The following UBR4 variants were observed in gnomAD, a reference collection of about 807,000 sequenced individuals.
UBR4 encodes the protein ubiquitin protein ligase E3 component n-recognin 4.
Under a neutral mutation model 575.6 loss-of-function variants are expected in UBR4, and 124 were observed. That is an observed-to-expected ratio of 0.22 (90% CI 0.19 to 0.25). The LOEUF is 0.25. Among genes scored for constraint, UBR4 ranks in the 10% least tolerant of loss-of-function variants. The pLI is 1.00. For synonymous variants in UBR4, 2,455 were observed against 2,473.7 expected (o/e 0.99, Z 0.22); for missense variants, 4,818 against 6,478.8 (o/e 0.74, Z 8.80).
At chr1:19,206,336 CTCTT>C (rs1041075632) in intron 1 of UBR4, among the ~76,000 whole-genome samples, 7 of 151,376 alleles carry the variant, frequency 4.6e-5, no homozygotes, top group Non-Finnish European at 8.9e-5. Context: ...GACCCTGTCT[CTCTT>C]TTTTTTTTTT....
In UBR4 at chr1:19,181,870, C is replaced by T. The variant is rs113392924; in HGVS notation, c.2184+1941G>A. The stretch of plus-strand genomic sequence containing the variant: ...AGTTCTGTGGCATTAAGCACATACA[C>T]ATTATTCTGCAACCCTTACTACCAT... On this transcript the variant is annotated intron_variant, in intron 17 of 105. Transcript: ENST00000375254. Among the ~76,000 whole-genome samples, 659 of 152,286 alleles carry T rather than the reference C, an allele frequency of 4.3e-3. 5 individuals are homozygous for T. Among genetic ancestry groups the T allele is most frequent in the Middle Eastern group, 0.017 (5 of 294 alleles).
intron 17 of UBR4, among the ~76,000 whole-genome samples, chr1:19,182,915 T>C (rs1266600229): frequency 3.6e-5 from 3 of 83,478 alleles, no homozygotes; most frequent in Non-Finnish European, 8.8e-5. Context: ...TATATGTACA[T>C]ACACATACAT....
intron 60 of UBR4, among the ~76,000 whole-genome samples, chr1:19,137,784 G>C (rs984517566): frequency 2.0e-5 from 3 of 152,164 alleles, no homozygotes; most frequent in Non-Finnish European, 4.4e-5. Flanking sequence ...AGCCTTAAGA[G>C]AAATACCACT....
At position 19,146,931 on chromosome 1, in the gene UBR4, G is replaced by C. The variant is rs1026118439; in HGVS notation, c.7699C>G (p.Pro2567Ala). 1.2e-6 allele frequency: 2 copies of C among 1,613,880 alleles called. No homozygotes were observed. The highest frequency in any genetic ancestry group is 3.3e-5 in the Admixed American group (2 of 59,988). ...TSSKEGKDLD[P>A]EVFQRLVITA... The stretch of plus-strand genomic sequence containing the variant: ...ATCACTAGCCTCTGGAACACCTCAG[G>C]GTCCAAATCCTTGCCCTCTTTGCTA... The change falls in exon 52 of 106, where the codon CCT (proline) becomes GCT (alanine). Residue 2567 changes from proline (P) to alanine (A), a missense_variant. Coordinates refer to ENST00000375254, the MANE Select transcript of UBR4 (RefSeq NM_020765.3).
In UBR4 at chr1:19,084,617, G is replaced by A. The variant is rs144501472; in HGVS notation, c.14895C>T (p.Phe4965=). The change falls in exon 102 of 106, where the codon TTC becomes TTT. Residue 4965 remains phenylalanine, a synonymous_variant. Coordinates refer to ENST00000375254, the MANE Select transcript of UBR4 (RefSeq NM_020765.3). The part of the protein sequence containing the change: ...QLNIHDIKLL[F]LRFAMEQSFS... The stretch of plus-strand genomic sequence containing the variant: ...ACGACTGCTCCATGGCGAAGCGCAG[G>A]AAGAGCAGTTTGATGTCATGGATGT... 1.3e-4 allele frequency: 217 copies of A among 1,614,170 alleles called. No homozygotes were observed. The highest frequency in any genetic ancestry group is 1.2e-3 in the Middle Eastern group (7 of 6,062).
In UBR4 at chr1:19,168,069, T is replaced by A; in HGVS notation, c.3857A>T (p.His1286Leu). The change falls in exon 28 of 106, where the codon CAT becomes CTT. Residue 1286 changes from histidine (H) to leucine (L), a missense_variant. By Grantham distance (99) the His-to-Leu change is moderately conservative. Transcript: ENST00000375254. Reference protein sequence around the residue: ...QSLPLAASLKHTLLSLVRLTG... With the variant: ...QSLPLAASLKLTLLSLVRLTG... ...CAACCTGACCAGTGAGAGGAGGGTA[T>A]GCTTCAGGGAAGCAGCCAGGGGCAG... 2 of 1,613,878 alleles carry A rather than the reference T, an allele frequency of 1.2e-6. 1 individual carries two copies. The highest frequency in any genetic ancestry group is 2.2e-5 in the South Asian group (2 of 91,052).
chr1:19,102,847 C>A (rs1022702327), intron 87 of UBR4, among the ~76,000 whole-genome samples: 5 of 152,194 alleles, frequency 3.3e-5, no homozygotes, highest in African/African-American at 1.2e-4. Context: ...TCCCTTTCCC[C>A]CAACCAAATA....
rs147610878 is a variant in UBR4 at position 19,161,913 on chromosome 1, G to A, written c.4957-16C>T. 1.3e-3 allele frequency: 2,160 copies of A among 1,613,778 alleles called. 37 individuals carry two copies. The African/African-American group carries it at 0.026, about 19-fold the overall frequency. On this transcript the variant is annotated splice_polypyrimidine_tract_variant and intron_variant, in intron 35 of 105. Coordinates refer to ENST00000375254, the MANE Select transcript of UBR4 (RefSeq NM_020765.3). ...AATCTTCATCCTTCAAAAATAATAA[G>A]TCTTTTTAATTCGAAATATATCCCT...
At chr1:19,091,912 C>A (rs1022567076) in intron 97 of UBR4, among the ~76,000 whole-genome samples, 3 of 152,096 alleles carry the variant, frequency 2.0e-5, no homozygotes, top group African/African-American at 7.2e-5. Flanking sequence ...GGCAACAATC[C>A]AGGTGTCCTT....
intron 2 of UBR4, among the ~76,000 whole-genome samples, chr1:19,200,628 A>G (rs923280759): frequency 1.2e-4 from 18 of 152,126 alleles, no homozygotes; most frequent in African/African-American, 4.1e-4. Flanking sequence ...ATCTCAAAAT[A>G]AATAAATAAA....
intron 42 of UBR4, 90 bp from the exon 43 acceptor site, chr1:19,155,758 C>A: frequency 1.9e-6 from 2 of 1,059,092 alleles, no homozygotes; most frequent in East Asian, 2.5e-5. Flanking sequence ...CGGAACTGAC[C>A]AATAACAGGC....
chr1:19,158,544 A>G (rs2086782474), intron 39 of UBR4, among the ~76,000 whole-genome samples: 1 of 151,986 alleles, frequency 6.6e-6, no homozygotes, highest in Non-Finnish European at 1.5e-5. Context: ...TACAGCCTCG[A>G]ATTCCCCGGT....
At chr1:19,080,874 T>C (rs986086769) in intron 103 of UBR4, 5 of 154,744 alleles carry the variant, frequency 3.2e-5, no homozygotes, top group African/African-American at 1.2e-4. Flanking sequence ...TATAGGAGAG[T>C]GGTCTAGAGG....
At chr1:19,086,632 A>G (rs1282944079) in intron 100 of UBR4, 47 bp downstream of exon 100, 1 of 1,604,876 alleles carries the variant, frequency 6.2e-7, no homozygotes, top group South Asian at 1.1e-5. Context: ...CTCCAGGCCC[A>G]CAGGCAGGCC....
At chr1:19,145,986 A>G (rs1301623561) in intron 52 of UBR4, 53 bp from the exon 53 acceptor site, 2 of 1,612,848 alleles carry the variant, frequency 1.2e-6, no homozygotes, top group Non-Finnish European at 8.5e-7. Flanking sequence ...ATGGAATTTA[A>G]TTTGTTTTAA....
At position 19,153,831 on chromosome 1, in the gene UBR4, TACCAGCGGC is replaced by T; in HGVS notation, c.6558_6566del (p.Pro2187_Val2189del). 1 of 1,614,202 alleles carries T rather than the reference TACCAGCGGC, an allele frequency of 6.2e-7. No homozygotes were observed. The highest frequency in any genetic ancestry group is 8.5e-7 in the Non-Finnish European group (1 of 1,180,022). Reference sequence around the variant, plus strand: ...GAAAAGTGTCTGGTTTCACCATAACTACCAGCGGCACCCCTGTAGTTTGCTGGACACAGC... The same window carrying T: ...GAAAAGTGTCTGGTTTCACCATAACTACCCCTGTAGTTTGCTGGACACAGC... On this transcript the variant is annotated inframe_deletion, in exon 45 of 106. Transcript: ENST00000375254. This position sits in a 1 kb window ranked among gnomAD's most constrained non-coding sequence, Gnocchi z 4.1.
In UBR4 at chr1:19,176,727, C is replaced by A. The variant is rs1306236370; in HGVS notation, c.2638G>T (p.Val880Leu). The A allele has an allele frequency of 6.2e-7, 1 of 1,612,690 alleles. No individual in the cohort carries two copies. Among genetic ancestry groups the A allele is most frequent in the Non-Finnish European group, 8.5e-7 (1 of 1,179,462 alleles). The change falls in exon 20 of 106, where the codon GTA becomes TTA. Residue 880 changes from valine to leucine, a missense_variant and splice_region_variant. By Grantham distance (32) the Val-to-Leu change is conservative. Coordinates refer to ENST00000375254, the MANE Select transcript of UBR4 (RefSeq NM_020765.3). ...SKAPVYLFEQ[V>L]QHNLLSPPFG... ...GGAGGACTTAGCAGGTTATGCTGTA[C>A]CTTTTAAAACACAAATACTGAAATT... is the stretch of plus-strand genomic sequence containing the variant.
intron 60 of UBR4, among the ~76,000 whole-genome samples, chr1:19,131,263 A>T (rs573106865): frequency 0.038 from 5,739 of 149,908 alleles, 208 homozygotes; most frequent in Middle Eastern, 0.062. Context: ...AAAAAAAAAA[A>T]AAAAAATAAA....
intron 87 of UBR4, among the ~76,000 whole-genome samples, chr1:19,103,034 C>T (rs2078807420): frequency 1.3e-5 from 2 of 152,192 alleles, no homozygotes; most frequent in South Asian, 4.1e-4. Context: ...CACTGCCTCA[C>T]AGAAGCAGTT....
Sources: allele counts gnomAD v4.1 joint callset (sites outside exome capture counted in the v4.1 genomes callset), GRCh38; gene constraint gnomAD v4.1.1; non-coding constraint Gnocchi (gnomAD v3.1); transcripts MANE v1.5; gene names NCBI Gene and HGNC (gene_info 2026-07-23, HGNC 2026-07-21).